LRRN2: variants seen among roughly 807,000 people sequenced by gnomAD.
LRRN2 encodes leucine-rich repeat neuronal protein 2.
A neutral mutation model predicts 35.7 loss-of-function variants in LRRN2; 10 were observed. That is an observed-to-expected ratio of 0.28 (90% CI 0.17 to 0.47). The LOEUF (loss-of-function observed/expected upper bound fraction) is 0.47, where lower values mean the gene tolerates loss of function less well. LRRN2 is among the 20% of genes least tolerant of loss of function. LRRN2 has a pLI of 0.99. For missense variants in LRRN2, 731 were observed against 940.3 expected, an observed-to-expected ratio of 0.78 and a Z score of 2.91; for synonymous variants, 391 against 409.6, an observed-to-expected ratio of 0.95 and a Z score of 0.55.
At chr1:204,636,581 G>A (rs564461113) in intron 1 of LRRN2, among the ~76,000 whole-genome samples, 4 of 152,202 alleles carry the variant, frequency 2.6e-5, no homozygotes, top group African/African-American at 7.2e-5. Context: ...AGGGGCATCC[G>A]CACAGAGCAG....
At chr1:204,630,720 C>G (rs887175712) in intron 1 of LRRN2, among the ~76,000 whole-genome samples, 1 of 152,100 alleles carries the variant, frequency 6.6e-6, no homozygotes, top group African/African-American at 2.4e-5. Flanking sequence ...CTCCTGTGCC[C>G]CTCCCCAGTC....
chr1:204,680,340 GC>G (rs1202108362), intron 1 of LRRN2, among the ~76,000 whole-genome samples: 1 of 152,184 alleles, frequency 6.6e-6, no homozygotes, highest in Non-Finnish European at 1.5e-5. Flanking sequence ...AACAGTTATT[GC>G]CCCAGGAACC....
Position 204,619,822 on chromosome 1 carries a change from G to A in LRRN2, c.171C>T (p.Asp57=), listed in dbSNP as rs758563445. Residue 57 remains aspartate, a synonymous_variant, in exon 2 of 2, where the codon GAC becomes GAT. Coordinates refer to ENST00000367177, the MANE Select transcript of LRRN2 (RefSeq NM_201630.2). ...YREATTVDCN[D]LFLTAVPPAL... ...CCGGGGGGACTGCCGTCAGGAATAG[G>A]TCATTGCAGTCCACAGTGGTAGCCT... The A allele has an allele frequency of 1.2e-6, 2 of 1,614,014 alleles. No homozygotes were observed. The highest frequency in any genetic ancestry group is 2.2e-5 in the South Asian group (2 of 91,072).
At chr1:204,623,545 G>A (rs937457563) in intron 1 of LRRN2, among the ~76,000 whole-genome samples, 7 of 152,248 alleles carry the variant, frequency 4.6e-5, no homozygotes, top group African/African-American at 1.7e-4. Context: ...CCTCACTGCT[G>A]AGCATGCAGC....
chr1:204,641,262 A>G (rs1667970345), intron 1 of LRRN2, among the ~76,000 whole-genome samples: 1 of 152,254 alleles, frequency 6.6e-6, no homozygotes. Context: ...CAAAACAATT[A>G]TGTAATCCTC....
At chr1:204,663,930 C>G (rs940864007) in intron 1 of LRRN2, 1 of 152,194 alleles carries the variant, frequency 6.6e-6, no homozygotes, top group Non-Finnish European at 1.5e-5. Flanking sequence ...CTTTTAGAAC[C>G]GGATCCACTG....
At chr1:204,622,942 A>G (rs1667022201) in intron 1 of LRRN2, among the ~76,000 whole-genome samples, 1 of 152,182 alleles carries the variant, frequency 6.6e-6, no homozygotes, top group African/African-American at 2.4e-5. Context: ...ACACAGAAAG[A>G]ACTGGACAAA....
intron 1 of LRRN2, among the ~76,000 whole-genome samples, chr1:204,668,137 G>A (rs1336311369): frequency 2.6e-5 from 4 of 152,176 alleles, no homozygotes; most frequent in Non-Finnish European, 4.4e-5. Flanking sequence ...AGCTAACTTG[G>A]TCTGCTCCAA....
chr1:204,635,470 G>A (rs1433504897), intron 1 of LRRN2, among the ~76,000 whole-genome samples: 1 of 152,110 alleles, frequency 6.6e-6, no homozygotes, highest in African/African-American at 2.4e-5. Context: ...GCTCACCTCT[G>A]CTCCCTGCTG....
At chr1:204,672,738 A>G (rs1243407231) in intron 1 of LRRN2, among the ~76,000 whole-genome samples, 1 of 152,068 alleles carries the variant, frequency 6.6e-6, no homozygotes, top group African/African-American at 2.4e-5. Context: ...ATCTGCTCAG[A>G]TGCCCAGGTG....
intron 1 of LRRN2, among the ~76,000 whole-genome samples, chr1:204,639,631 T>C (rs544106311): frequency 3.2e-4 from 49 of 152,224 alleles, no homozygotes; most frequent in Non-Finnish European, 4.6e-4. Flanking sequence ...CAGAAGGCAC[T>C]GTCTCTAAAG....
chr1:204,653,191 T>C (rs1668271918), intron 1 of LRRN2, among the ~76,000 whole-genome samples: 1 of 152,216 alleles, frequency 6.6e-6, no homozygotes, highest in Non-Finnish European at 1.5e-5. Flanking sequence ...CTAATATTAA[T>C]ATAAGGGCAC....
intron 1 of LRRN2, among the ~76,000 whole-genome samples, chr1:204,670,929 C>T (rs911015421): frequency 2.0e-5 from 3 of 152,096 alleles, no homozygotes; most frequent in Non-Finnish European, 2.9e-5. Flanking sequence ...AGAAGAGAGA[C>T]AGTGTGGTGG....
chr1:204,677,665 T>A (rs1668854431), intron 1 of LRRN2, among the ~76,000 whole-genome samples: 1 of 151,910 alleles, frequency 6.6e-6, no homozygotes. Flanking sequence ...CAGACACCAG[T>A]GAACTAAGAG....
chr1:204,676,410 T>A (rs1668825738), intron 1 of LRRN2, among the ~76,000 whole-genome samples: 1 of 152,126 alleles, frequency 6.6e-6, no homozygotes, highest in African/African-American at 2.4e-5. Flanking sequence ...TCCAGGCCCA[T>A]AATGATCAAC....
At chr1:204,626,828 G>A (rs889414765) in intron 1 of LRRN2, 3 of 152,198 alleles carry the variant, frequency 2.0e-5, no homozygotes, top group Non-Finnish European at 4.4e-5. Context: ...TTAAAAAAAT[G>A]AATAGAAAAT....
At chr1:204,647,028 G>C (rs1426385570) in intron 1 of LRRN2, among the ~76,000 whole-genome samples, 1 of 152,170 alleles carries the variant, frequency 6.6e-6, no homozygotes, top group Non-Finnish European at 1.5e-5. Flanking sequence ...TTCTTGTAGG[G>C]ATGGCAGAGC....
chr1:204,635,085 C>T (rs540145633), intron 1 of LRRN2, among the ~76,000 whole-genome samples: 1 of 152,242 alleles, frequency 6.6e-6, no homozygotes, highest in African/African-American at 2.4e-5. Context: ...AGTTTCCTGC[C>T]TACTCACAGG....
intron 1 of LRRN2, among the ~76,000 whole-genome samples, chr1:204,624,450 C>T (rs2102578471): frequency 6.6e-6 from 1 of 152,312 alleles, no homozygotes; most frequent in African/African-American, 2.4e-5. Context: ...TGGTTGCCCA[C>T]TCCAAGGGCA....
Sources: allele counts gnomAD v4.1 joint callset (sites outside exome capture counted in the v4.1 genomes callset), GRCh38; gene constraint gnomAD v4.1.1; transcripts MANE v1.5; gene names NCBI Gene and HGNC (gene_info 2026-07-23, HGNC 2026-07-21).